Variants in NREP observed in about 807,000 individuals in gnomAD.
NREP encodes the protein neuronal regeneration related protein, also known as neuronal regeneration-related protein.
NREP carries 5 observed loss-of-function variants against 8.6 expected under a neutral mutation model. The observed-to-expected ratio is 0.58, with a 90% CI of 0.30 to 1.22. NREP has a LOEUF of 1.22. NREP is among the 50% of genes most tolerant of loss of function. NREP has a pLI of 0.07. For synonymous variants in NREP, 27 were observed against 28.0 expected, an observed-to-expected ratio of 0.96 and a Z score of 0.11; for missense variants, 86 against 82.5, an observed-to-expected ratio of 1.04 and a Z score of -0.17.
At chr5:111,954,724 C>A (rs775212944) in intron 2 of NREP, among the ~76,000 whole-genome samples, 14 of 152,072 alleles carry the variant, frequency 9.2e-5, no homozygotes, top group Non-Finnish European at 1.9e-4. Context: ...GTGACAGGTT[C>A]CCTTCATGCT....
intron 2 of NREP, among the ~76,000 whole-genome samples, chr5:111,861,402 C>G (rs1753540616): frequency 1.3e-5 from 2 of 152,150 alleles, no homozygotes; most frequent in African/African-American, 4.8e-5. Context: ...CAAAGAGAAG[C>G]TGATGCCATC....
At chr5:111,751,482 C>A (rs780312724) in intron 2 of NREP, among the ~76,000 whole-genome samples, 47 of 152,016 alleles carry the variant, frequency 3.1e-4, no homozygotes, top group Non-Finnish European at 3.4e-4. Context: ...AAATTTACAC[C>A]CAATAAATAT....
chr5:111,742,134 C>T lies in NREP; in HGVS notation c.4-6627G>A, dbSNP rs190434251. Among the ~76,000 whole-genome samples, 390 of 152,198 alleles carry T rather than the reference C, an allele frequency of 2.6e-3. 2 individuals are homozygous for T. Among genetic ancestry groups the T allele is most frequent in the African/African-American group, 9.1e-3 (379 of 41,526 alleles). On this transcript the variant is annotated intron_variant, in intron 2 of 3. Coordinates refer to ENST00000257435, the MANE Select transcript of NREP (RefSeq NM_004772.4). ...TTAGCTTCGCTTCGGGTGTGTATTC[C>T]CACTACGGGCACAGAAAGCGTTCAT...
chr5:111,749,892 A>G (rs1750244759), intron 2 of NREP, among the ~76,000 whole-genome samples: 1 of 152,128 alleles, frequency 6.6e-6, no homozygotes. Context: ...ATTCCACCCC[A>G]GCCTAAGGGG....
chr5:111,960,142 T>G (rs1756440342), intron 2 of NREP, among the ~76,000 whole-genome samples: 1 of 152,162 alleles, frequency 6.6e-6, no homozygotes, highest in Admixed American at 6.5e-5. Context: ...TATTACAAAT[T>G]ATGTTGATTC....
chr5:111,820,851 TA>T (rs1271604788), intron 2 of NREP, among the ~76,000 whole-genome samples: 1 of 152,166 alleles, frequency 6.6e-6, no homozygotes, highest in Non-Finnish European at 1.5e-5. Context: ...AGTCTCCAAT[TA>T]ATGATGTTGC....
At chr5:111,760,857 A>G (rs186937582), upstream of NREP, among the ~76,000 whole-genome samples, 368 of 152,316 alleles carry the variant, frequency 2.4e-3, 5 homozygotes, top group South Asian at 0.023. Flanking sequence ...GTAGAAAAGG[A>G]TGTACTTTAG....
In NREP at chr5:111,877,575, A is replaced by T. The variant is rs7727948; in HGVS notation, c.135+97699T>A. Reference sequence around the variant, plus strand: ...AACCATGTGACAGAAACCAGCATGAACTGGGCAAATGGAAATGAAAATCTT... The same window carrying T: ...AACCATGTGACAGAAACCAGCATGATCTGGGCAAATGGAAATGAAAATCTT... On this transcript the variant is annotated intron_variant, in intron 2 of 3. Transcript: ENST00000395634. Among the ~76,000 whole-genome samples the T allele has an allele frequency of 6.4e-3, 973 of 152,338 alleles. 16 individuals carry two copies. The highest frequency in any genetic ancestry group is 0.022 in the African/African-American group (930 of 41,574).
chr5:111,752,102 T>G (rs1750397684), intron 2 of NREP, among the ~76,000 whole-genome samples: 1 of 152,240 alleles, frequency 6.6e-6, no homozygotes, highest in Non-Finnish European at 1.5e-5. Flanking sequence ...TTTCCTATTT[T>G]AGAAGTAGTC....
intron 2 of NREP, among the ~76,000 whole-genome samples, chr5:111,872,090 CAGAG>C (rs973888047): frequency 2.0e-5 from 3 of 151,234 alleles, no homozygotes; most frequent in African/African-American, 7.3e-5. Context: ...ATATTTGAGA[CAGAG>C]AGAGATTTAT....
intron 2 of NREP, among the ~76,000 whole-genome samples, chr5:111,906,238 G>A (rs910355726): frequency 3.9e-5 from 6 of 152,072 alleles, no homozygotes; most frequent in African/African-American, 1.4e-4. Flanking sequence ...CTCTATAGAG[G>A]CAGGAATTTT....
chr5:111,817,861 C>G (rs1449620245), intron 2 of NREP, among the ~76,000 whole-genome samples: 1 of 147,222 alleles, frequency 6.8e-6, no homozygotes, highest in Non-Finnish European at 1.5e-5. Context: ...TATGTATACA[C>G]ACACATATAT....
intron 2 of NREP, among the ~76,000 whole-genome samples, chr5:111,865,254 T>G (rs545729082): frequency 2.1e-4 from 32 of 152,252 alleles, no homozygotes; most frequent in Admixed American, 1.9e-3. Flanking sequence ...TGCAAAAATT[T>G]TTTCTAAAGT....
chr5:111,786,132 C>G (rs1243240073), intron 2 of NREP, among the ~76,000 whole-genome samples: 1 of 152,196 alleles, frequency 6.6e-6, no homozygotes, highest in Non-Finnish European at 1.5e-5. Flanking sequence ...GTAGCTCATT[C>G]AATTTTTAAA....
At chr5:111,923,200 A>T (rs1445217649) in intron 2 of NREP, among the ~76,000 whole-genome samples, 1 of 152,104 alleles carries the variant, frequency 6.6e-6, no homozygotes, top group Non-Finnish European at 1.5e-5. Flanking sequence ...CCCTTGTGAG[A>T]GCTATCAGCT....
upstream of NREP, among the ~76,000 whole-genome samples, chr5:111,760,280 G>A (rs1750931912): frequency 6.6e-6 from 1 of 152,186 alleles, no homozygotes. Context: ...CAAGGGGTCA[G>A]GGAGACTCAT....
intron 2 of NREP, among the ~76,000 whole-genome samples, chr5:111,737,635 T>C (rs1041667700): frequency 4.0e-5 from 6 of 151,862 alleles, no homozygotes; most frequent in African/African-American, 1.5e-4. Context: ...AAAGTCTAAT[T>C]TGTAGGGGAA....
intron 2 of NREP, among the ~76,000 whole-genome samples, chr5:111,965,329 T>C (rs143323167): frequency 2.2e-4 from 33 of 152,162 alleles, no homozygotes; most frequent in Non-Finnish European, 4.4e-4. Context: ...AAATATTTAA[T>C]ACACACACTC....
intron 2 of NREP, among the ~76,000 whole-genome samples, chr5:111,749,720 G>C (rs1327016098): frequency 6.6e-6 from 1 of 152,114 alleles, no homozygotes; most frequent in Non-Finnish European, 1.5e-5. Flanking sequence ...TCTTTCTATC[G>C]GGGAGCTTGC....
Sources: allele counts gnomAD v4.1 joint callset (sites outside exome capture counted in the v4.1 genomes callset), GRCh38; gene constraint gnomAD v4.1.1; transcripts MANE v1.5; gene names NCBI Gene and HGNC (gene_info 2026-07-23, HGNC 2026-07-21).